EEFSEC: variants seen among roughly 807,000 people sequenced by gnomAD.
EEFSEC encodes the protein eukaryotic elongation factor, selenocysteine-tRNA specific, also known as selenocysteine-specific elongation factor.
A neutral mutation model predicts 42.1 loss-of-function variants in EEFSEC; 43 were observed. That is an observed-to-expected ratio of 1.02 (90% confidence interval 0.80 to 1.32). The LOEUF is 1.32. Ranked by LOEUF, EEFSEC falls within the 40% of genes most tolerant of loss-of-function variation. The probability of loss-of-function intolerance (pLI) is 0.00; values close to 1 mark genes in which losing one functional copy is unlikely to be tolerated. For missense variants in EEFSEC, 745 were observed against 803.6 expected, an observed-to-expected ratio of 0.93 and a Z score of 0.88; for synonymous variants, 354 against 339.1, an observed-to-expected ratio of 1.04 and a Z score of -0.48.
chr3:128,331,448 C>A (rs749716356), intron 4 of EEFSEC, among the ~76,000 whole-genome samples: 1 of 142,164 alleles, frequency 7.0e-6, no homozygotes, highest in Non-Finnish European at 1.5e-5. Context: ...AGGCATCTCC[C>A]CTCTTCCCTC....
At chr3:128,314,728 C>G (rs2066926446) in intron 4 of EEFSEC, among the ~76,000 whole-genome samples, 1 of 152,160 alleles carries the variant, frequency 6.6e-6, no homozygotes, top group Non-Finnish European at 1.5e-5. Context: ...CCTGTCTGTA[C>G]CCAGTAGATA....
chr3:128,180,274 T>A (rs541301466), intron 1 of EEFSEC, among the ~76,000 whole-genome samples: 1 of 152,244 alleles, frequency 6.6e-6, no homozygotes, highest in Non-Finnish European at 1.5e-5. Flanking sequence ...TCATGTGCTC[T>A]GTGAATCTAG....
intron 4 of EEFSEC, among the ~76,000 whole-genome samples, chr3:128,329,643 G>A (rs1334035105): frequency 6.6e-6 from 1 of 152,168 alleles, no homozygotes; most frequent in African/African-American, 2.4e-5. Context: ...AGGCACCATC[G>A]GGCCTCTAGG....
chr3:128,269,821 ACTCT>A (rs913112841), intron 4 of EEFSEC, among the ~76,000 whole-genome samples: 2 of 152,112 alleles, frequency 1.3e-5, no homozygotes. Flanking sequence ...AGGCATTTTG[ACTCT>A]CTCGATCTTC....
At chr3:128,322,205 C>T (rs1029991944) in intron 4 of EEFSEC, among the ~76,000 whole-genome samples, 2 of 152,232 alleles carry the variant, frequency 1.3e-5, no homozygotes, top group Non-Finnish European at 2.9e-5. Context: ...GTTGCCATGA[C>T]GGCCCGTCCA....
chr3:128,376,103 G>A (rs2067706859), intron 6 of EEFSEC, among the ~76,000 whole-genome samples: 1 of 152,296 alleles, frequency 6.6e-6, no homozygotes, highest in Non-Finnish European at 1.5e-5. Flanking sequence ...GGAGTAGGGT[G>A]CCTCTTTCCC....
chr3:128,308,083 T>A (rs150476501), intron 4 of EEFSEC, among the ~76,000 whole-genome samples: 2 of 152,376 alleles, frequency 1.3e-5, no homozygotes, highest in East Asian at 1.9e-4. Context: ...CTTGCACACA[T>A]GCTCTGCGCC....
the EEFSEC span, among the ~76,000 whole-genome samples, chr3:128,416,789 G>C: frequency 6.6e-6 from 1 of 152,170 alleles, no homozygotes. Context: ...ACAGCACAAA[G>C]GGGTGAGGGC....
Position 128,408,261 on chromosome 3 carries a change from T to A in EEFSEC, c.*2T>A, listed in dbSNP as rs1576713719. 1.9e-6 allele frequency: 3 copies of A among 1,569,640 alleles called. No homozygotes were observed. The East Asian group carries it at 7.0e-5, about 37-fold the overall frequency. On this transcript the variant is annotated 3_prime_UTR_variant, in exon 7 of 7. Transcript: ENST00000254730. The stretch of plus-strand genomic sequence containing the variant: ...AAGCGCATGGTTCAGTCTCCCTGAG[T>A]GTCCGGTGACCTCCCCCAGGGCCTC...
intron 2 of EEFSEC, among the ~76,000 whole-genome samples, chr3:128,251,295 T>C (rs1302089019): frequency 6.6e-6 from 1 of 152,230 alleles, no homozygotes. Flanking sequence ...CTGTACATCA[T>C]TAAACTGTAT....
chr3:128,285,865 G>T (rs553835214), intron 4 of EEFSEC, among the ~76,000 whole-genome samples: 4 of 152,244 alleles, frequency 2.6e-5, no homozygotes, highest in African/African-American at 9.6e-5. Context: ...TTCACCTTAG[G>T]CGTTTAACCA....
chr3:128,209,277 G>T (rs796639155), intron 1 of EEFSEC, among the ~76,000 whole-genome samples: 46 of 152,324 alleles, frequency 3.0e-4, no homozygotes, highest in African/African-American at 1.1e-3. Flanking sequence ...TTTGTACTAG[G>T]TGAGACTTTT....
At chr3:128,253,241 CTG>C (rs1233591642) in intron 2 of EEFSEC, among the ~76,000 whole-genome samples, 1 of 152,236 alleles carries the variant, frequency 6.6e-6, no homozygotes, top group African/African-American at 2.4e-5. Context: ...TCCTACAACT[CTG>C]TGTCCCTCTG....
At chr3:128,321,182 G>T (rs973314168) in intron 4 of EEFSEC, among the ~76,000 whole-genome samples, 1 of 152,150 alleles carries the variant, frequency 6.6e-6, no homozygotes, top group Non-Finnish European at 1.5e-5. Flanking sequence ...GGAGACAGGT[G>T]GGAAGCTCTG....
intron 6 of EEFSEC, among the ~76,000 whole-genome samples, chr3:128,390,110 T>A (rs1186109132): frequency 1.3e-5 from 2 of 152,248 alleles, no homozygotes; most frequent in Non-Finnish European, 2.9e-5. Context: ...CTTGTGAAAG[T>A]GCTTTGCCTC....
intron 4 of EEFSEC, among the ~76,000 whole-genome samples, chr3:128,325,976 GGA>G (rs956236176): frequency 1.7e-4 from 26 of 152,274 alleles, no homozygotes; most frequent in African/African-American, 6.3e-4. Flanking sequence ...TTTGACTTTT[GGA>G]GAGTTTCCCT....
chr3:128,198,056 T>C (rs1288040623), intron 1 of EEFSEC, among the ~76,000 whole-genome samples: 3 of 152,156 alleles, frequency 2.0e-5, no homozygotes, highest in Non-Finnish European at 2.9e-5. Flanking sequence ...CAGGGATACG[T>C]GGGTCCAAGA....
intron 5 of EEFSEC, among the ~76,000 whole-genome samples, chr3:128,357,234 A>G (rs370834426): frequency 6.6e-6 from 1 of 152,272 alleles, no homozygotes; most frequent in East Asian, 1.9e-4. Flanking sequence ...TGGAGCTGCC[A>G]GAGACTCAGA....
intron 4 of EEFSEC, among the ~76,000 whole-genome samples, chr3:128,306,199 A>G (rs1198071046): frequency 1.3e-5 from 2 of 152,198 alleles, no homozygotes; most frequent in African/African-American, 4.8e-5. Flanking sequence ...TAAATGATCC[A>G]ACGGCTTTTA....
Sources: allele counts gnomAD v4.1 joint callset (sites outside exome capture counted in the v4.1 genomes callset), GRCh38; gene constraint gnomAD v4.1.1; transcripts MANE v1.5; gene names NCBI Gene and HGNC (gene_info 2026-07-23, HGNC 2026-07-21).